Variants in SNTG1 observed in about 807,000 individuals in gnomAD.
SNTG1 encodes gamma-1-syntrophin.
Under a neutral mutation model 74.7 loss-of-function variants are expected in SNTG1, and 39 were observed. That is an observed-to-expected ratio of 0.52 (90% CI 0.40 to 0.68). SNTG1 has a LOEUF of 0.68. Ranked by LOEUF, SNTG1 falls within the 30% of genes least tolerant of loss-of-function variation. The probability of loss-of-function intolerance (pLI) is 0.00; values close to 1 mark genes in which losing one functional copy is unlikely to be tolerated. For synonymous variants in SNTG1, 254 were observed against 217.1 expected (o/e 1.17, Z -1.49); for missense variants, 685 against 609.5 (o/e 1.12, Z -1.30).
Position 50,019,782 on chromosome 8 carries a change from A to T in SNTG1, c.-103+107551A>T, listed in dbSNP as rs867123400. Among the ~76,000 whole-genome samples, 13 of 152,192 alleles carry T rather than the reference A, an allele frequency of 8.5e-5. No individual in the cohort carries two copies. In the South Asian group the frequency reaches 2.5e-3, roughly 29 times the overall value. On this transcript the variant is annotated intron_variant, in intron 1 of 18. Coordinates refer to ENST00000642720, the MANE Select transcript of SNTG1 (RefSeq NM_018967.5). ...CTGTAGGCATATGAGATTGAAATAC[A>T]ATTGTACAAACTAGTGTTTGCATAG...
At position 50,639,220 on chromosome 8, in the gene SNTG1, T is replaced by TAAA. The variant is rs33934276; in HGVS notation, c.850-17679_850-17677dup. Among the ~76,000 whole-genome samples, 298 of 147,930 alleles carry TAAA rather than the reference T, an allele frequency of 2.0e-3. 1 individual carries two copies. The highest frequency in any genetic ancestry group is 0.011 in the Middle Eastern group (3 of 274). ...GATAGTGACAGAAATGCTTTTCAGT[T>TAAA]AAAAAAAAAAAAGCTATTTCTGTAT... is the stretch of plus-strand genomic sequence containing the variant. On this transcript the variant is annotated intron_variant, in intron 13 of 18. Transcript: ENST00000642720.
At chr8:50,466,656 G>A (rs1001319407) in intron 8 of SNTG1, among the ~76,000 whole-genome samples, 2 of 151,912 alleles carry the variant, frequency 1.3e-5, no homozygotes, top group African/African-American at 4.8e-5. Context: ...TTGAGTCCTC[G>A]AATCCATGAA....
chr8:50,570,148 C>A (rs1030524242), intron 12 of SNTG1, among the ~76,000 whole-genome samples: 1 of 151,630 alleles, frequency 6.6e-6, no homozygotes, highest in Non-Finnish European at 1.5e-5. Flanking sequence ...TTTACCACAA[C>A]CCAAAACATC....
intron 1 of SNTG1, among the ~76,000 whole-genome samples, chr8:50,011,562 C>A (rs1379797860): frequency 1.3e-5 from 2 of 151,778 alleles, no homozygotes; most frequent in East Asian, 1.9e-4. Context: ...GGGTTGCAAT[C>A]CAGTGCTGCC....
At chr8:50,074,670 C>T (rs1821669563) in intron 1 of SNTG1, among the ~76,000 whole-genome samples, 1 of 152,166 alleles carries the variant, frequency 6.6e-6, no homozygotes, top group Admixed American at 6.5e-5. Flanking sequence ...GTTAATATTG[C>T]TAGAATTACC....
intron 14 of SNTG1, among the ~76,000 whole-genome samples, chr8:50,658,046 T>C (rs1241179632): frequency 6.6e-6 from 1 of 152,134 alleles, no homozygotes; most frequent in Non-Finnish European, 1.5e-5. Context: ...AAAATTGATA[T>C]TTATATATTT....
chr8:50,303,187 C>A (rs1315047545), intron 2 of SNTG1, among the ~76,000 whole-genome samples: 1 of 151,988 alleles, frequency 6.6e-6, no homozygotes, highest in African/African-American at 2.4e-5. Context: ...ACAATGGACT[C>A]CCTGATTATT....
At chr8:50,777,371 T>C (rs912287604) in intron 18 of SNTG1, among the ~76,000 whole-genome samples, 32 of 150,592 alleles carry the variant, frequency 2.1e-4, no homozygotes, top group Admixed American at 2.1e-3. Context: ...GTTCACTGAC[T>C]CTTCTGTTCT....
chr8:50,214,272 G>C (rs895918308), intron 2 of SNTG1, among the ~76,000 whole-genome samples: 1 of 103,328 alleles, frequency 9.7e-6, no homozygotes, highest in Non-Finnish European at 1.8e-5. Flanking sequence ...GTGGGGGGAG[G>C]GGGGAGGGAT....
rs1375037738 is a variant in SNTG1, at chr8:50,152,367, C to T, written c.-102-20194C>T. 8.5e-5 allele frequency among the ~76,000 whole-genome samples: 13 copies of T among 152,240 alleles called. 1 individual carries two copies. In the East Asian group the frequency reaches 2.3e-3, roughly 27 times the overall value. On this transcript the variant is annotated intron_variant, in intron 1 of 18. Transcript: ENST00000642720. ...GGGTCTTGACTCTTTATCCAATTTG[C>T]CAGTCTGTGTCTTTTAATTGTAGCA...
chr8:50,459,605 G>A (rs554877469), intron 8 of SNTG1, among the ~76,000 whole-genome samples: 11 of 151,968 alleles, frequency 7.2e-5, no homozygotes, highest in Admixed American at 7.2e-4. Context: ...TGAGGTTTTG[G>A]GTATGAAAGA....
At chr8:50,784,217 A>G (rs866206619) in intron 18 of SNTG1, among the ~76,000 whole-genome samples, 2 of 152,184 alleles carry the variant, frequency 1.3e-5, no homozygotes, top group African/African-American at 4.8e-5. Context: ...TACATATAAT[A>G]TGCAAATAAT....
At chr8:50,589,174 A>G (rs1318672850) in intron 12 of SNTG1, among the ~76,000 whole-genome samples, 5 of 152,162 alleles carry the variant, frequency 3.3e-5, no homozygotes, top group South Asian at 4.1e-4. Flanking sequence ...TATGTAATAA[A>G]CCATTCAAAG....
intron 1 of SNTG1, among the ~76,000 whole-genome samples, chr8:49,948,549 A>G (rs879595773): frequency 3.3e-5 from 5 of 152,174 alleles, no homozygotes; most frequent in Admixed American, 6.5e-5. Flanking sequence ...AACAATTACT[A>G]TCCTCTTCTT....
intron 4 of SNTG1, among the ~76,000 whole-genome samples, chr8:50,425,823 A>G (rs1462215953): frequency 6.6e-6 from 1 of 152,196 alleles, no homozygotes; most frequent in Non-Finnish European, 1.5e-5. Context: ...AATCAAGGAA[A>G]ACACTTAGGA....
In SNTG1 at chr8:50,553,127, T is replaced by A. The variant is rs773697290; in HGVS notation, c.758T>A (p.Val253Asp). ...CAGTGCCTCTCTGCTGAAGACTGCG[T>A]TGACTGGCTACAAGCAATAGCAACT... Reference protein sequence around the residue: ...IIQCLSAEDCVDWLQAIATNI... With the variant: ...IIQCLSAEDCDDWLQAIATNI... The change falls in exon 12 of 19, where the codon GTT becomes GAT. Residue 253 changes from valine (V) to aspartate (D), a missense_variant. Val to Asp is a radical substitution (Grantham distance 152, BLOSUM62 -3). Coordinates refer to ENST00000642720, the MANE Select transcript of SNTG1 (RefSeq NM_018967.5). 1 of 1,613,956 alleles carries A rather than the reference T, an allele frequency of 6.2e-7. No homozygotes were observed. The highest frequency in any genetic ancestry group is 8.5e-7 in the Non-Finnish European group (1 of 1,179,894).
chr8:50,102,946 T>A (rs1465994438), intron 1 of SNTG1, among the ~76,000 whole-genome samples: 2 of 151,346 alleles, frequency 1.3e-5, no homozygotes, highest in Non-Finnish European at 2.9e-5. Context: ...AGTACCATGC[T>A]GTTTTGGTTA....
At chr8:50,630,473 G>A (rs1250942714) in intron 13 of SNTG1, among the ~76,000 whole-genome samples, 3 of 152,122 alleles carry the variant, frequency 2.0e-5, no homozygotes, top group Admixed American at 1.3e-4. Flanking sequence ...CTGGCCAAAT[G>A]TCCTCAGTAG....
At chr8:50,357,386 G>A (rs117962542) in intron 2 of SNTG1, among the ~76,000 whole-genome samples, 1,745 of 152,324 alleles carry the variant, frequency 0.011, 24 homozygotes, top group Middle Eastern at 0.034. Context: ...TTTCTGCGAC[G>A]TGCTTTACAG....
Sources: gnomAD v4.1 joint callset for allele counts (sites outside exome capture counted in the v4.1 genomes callset) on GRCh38, gnomAD v4.1.1 for gene constraint, MANE v1.5 for transcripts, NCBI Gene and HGNC (gene_info 2026-07-23, HGNC 2026-07-21) for gene names.